The following MYT1L variants were observed in gnomAD, a reference collection of about 807,000 sequenced individuals.
MYT1L encodes the protein myelin transcription factor 1 like.
A neutral mutation model predicts 126.7 loss-of-function variants in MYT1L; 12 were observed. The ratio of observed to expected loss-of-function variants is 0.09; its 90% CI spans 0.06 to 0.15. MYT1L has a LOEUF of 0.15. Ranked by LOEUF, MYT1L falls within the 10% of genes least tolerant of loss-of-function variation. The probability of loss-of-function intolerance (pLI) is 1.00; values close to 1 mark genes in which losing one functional copy is unlikely to be tolerated. For missense variants in MYT1L, 979 were observed against 1,585.2 expected, an observed-to-expected ratio of 0.62 and a Z score of 6.49; for synonymous variants, 541 against 604.2, an observed-to-expected ratio of 0.90 and a Z score of 1.53.
Position 1,922,882 on chromosome 2 carries a change from T to C in MYT1L, c.887A>G (p.Asn296Ser). 6.2e-7 allele frequency: 1 copy of C among 1,614,050 alleles called. No homozygotes were observed. Among genetic ancestry groups the C allele is most frequent in the Non-Finnish European group, 8.5e-7 (1 of 1,179,906 alleles). The change falls in exon 10 of 25, where the codon AAT becomes AGT. Residue 296 changes from asparagine (N) to serine (S), a missense_variant. Coordinates refer to ENST00000647738, the MANE Select transcript of MYT1L (RefSeq NM_001303052.2). This position sits in a 1 kb window ranked among gnomAD's most constrained non-coding sequence, Gnocchi z 7.4. ...ADSMSQQDSR[N>S]MNYVMLGKPM... ...CTTCCCCAACATGACGTAATTCATA[T>C]TTCTACTGTCTTGCTGCGACATGCT...
chr2:2,185,452 TCC>T (rs2092014229), intron 2 of MYT1L, among the ~76,000 whole-genome samples: 5 of 150,876 alleles, frequency 3.3e-5, no homozygotes, highest in African/African-American at 4.9e-5. Context: ...CAGCCGGGCC[TCC>T]TCGAGTCCCG....
At chr2:2,320,444 A>C (rs1022006963) in intron 1 of MYT1L, among the ~76,000 whole-genome samples, 1 of 151,694 alleles carries the variant, frequency 6.6e-6, no homozygotes, top group East Asian at 1.9e-4. Flanking sequence ...TTAGGCATAA[A>C]ATTTTATTTC....
At chr2:1,861,455 T>G (rs201042173) in intron 18 of MYT1L, among the ~76,000 whole-genome samples, 1 of 152,100 alleles carries the variant, frequency 6.6e-6, no homozygotes, top group Admixed American at 6.5e-5. Flanking sequence ...ATCCTTTACA[T>G]TCGTGTTATT....
intron 3 of MYT1L, among the ~76,000 whole-genome samples, chr2:2,073,647 C>T (rs1488244214): frequency 1.3e-5 from 2 of 152,188 alleles, no homozygotes; most frequent in Non-Finnish European, 2.9e-5. Flanking sequence ...CTCGCCTCCG[C>T]ATCCTGCCAG....
chr2:1,864,955 T>A (rs887422131), intron 18 of MYT1L, among the ~76,000 whole-genome samples: 1 of 152,172 alleles, frequency 6.6e-6, no homozygotes, highest in Admixed American at 6.5e-5. Context: ...TGTGCCCGAT[T>A]GCTGAGCTTC....
At chr2:2,304,100 T>C (rs576502401) in intron 1 of MYT1L, 1 of 152,320 alleles carries the variant, frequency 6.6e-6, no homozygotes, top group South Asian at 2.1e-4. Context: ...TGAGACGCTA[T>C]AGCTGTACAG....
rs1045633824 is a variant in MYT1L, at chr2:1,828,365, G to A, written c.3080+10784C>T. The A allele has an allele frequency of 2.0e-5, 3 of 152,156 alleles. No individual in the cohort carries two copies. In the East Asian group the frequency reaches 5.8e-4, roughly 29 times the overall value. 9.4% of individuals were successfully genotyped at this position (152,156 alleles called of 1,614,324 possible). A position where few individuals can be genotyped will look rare whatever the true frequency, so the allele number is the denominator to read the frequency against. On this transcript the variant is annotated intron_variant, in intron 21 of 24. Coordinates refer to ENST00000647738, the MANE Select transcript of MYT1L (RefSeq NM_001303052.2). The stretch of plus-strand genomic sequence containing the variant: ...GGAATTCCCAGCTTCCCAGTGTTAG[G>A]TGACACTGTGGGGTGGTTTTTACAG...
At chr2:2,073,284 C>A (rs554537461) in intron 3 of MYT1L, among the ~76,000 whole-genome samples, 68 of 151,674 alleles carry the variant, frequency 4.5e-4, no homozygotes, top group African/African-American at 1.5e-3. Flanking sequence ...TCCCATCCCC[C>A]CATCACTGCC....
chr2:2,017,769 A>G (rs768641713), intron 4 of MYT1L, among the ~76,000 whole-genome samples: 7 of 151,586 alleles, frequency 4.6e-5, no homozygotes, highest in Non-Finnish European at 1.0e-4. Flanking sequence ...ATAATCCAAC[A>G]AAACACAGAA....
At chr2:2,133,404 T>C (rs1229934901) in intron 3 of MYT1L, among the ~76,000 whole-genome samples, 1 of 152,130 alleles carries the variant, frequency 6.6e-6, no homozygotes, top group Non-Finnish European at 1.5e-5. Context: ...TCACTCCCCC[T>C]CATGCTTCTC....
At chr2:1,804,134 G>C (rs112056537) in intron 22 of MYT1L, among the ~76,000 whole-genome samples, 6,720 of 152,166 alleles carry the variant, frequency 0.044, 202 homozygotes, top group South Asian at 0.1. Flanking sequence ...TTGTTTGTTT[G>C]TTTTGAGATG....
intron 2 of MYT1L, among the ~76,000 whole-genome samples, chr2:2,261,919 T>G (rs1396518668): frequency 2.6e-5 from 4 of 152,196 alleles, no homozygotes; most frequent in Non-Finnish European, 5.9e-5. Flanking sequence ...GGAAACAAAT[T>G]GTTGGAATGA....
chr2:2,105,293 A>C (rs2078615334), intron 3 of MYT1L, among the ~76,000 whole-genome samples: 1 of 152,186 alleles, frequency 6.6e-6, no homozygotes, highest in Admixed American at 6.5e-5. Context: ...GGGATACTAC[A>C]GACCAGGGAA....
At chr2:2,123,473 T>C (rs887350428) in intron 3 of MYT1L, among the ~76,000 whole-genome samples, 1 of 152,158 alleles carries the variant, frequency 6.6e-6, no homozygotes, top group African/African-American at 2.4e-5. Flanking sequence ...TGGGAGGCAA[T>C]TGGATCATGG....
At chr2:2,204,197 AT>A (rs2093208897) in intron 2 of MYT1L, among the ~76,000 whole-genome samples, 1 of 152,220 alleles carries the variant, frequency 6.6e-6, no homozygotes, top group Admixed American at 6.5e-5. Context: ...GGACATAGGC[AT>A]GGGCAAGGAC....
At chr2:2,045,228 C>T (rs1469764482) in intron 4 of MYT1L, among the ~76,000 whole-genome samples, 1 of 152,208 alleles carries the variant, frequency 6.6e-6, no homozygotes, top group Non-Finnish European at 1.5e-5. Context: ...TGTAAATCTC[C>T]CATGAAATGA....
At chr2:2,163,543 G>C (rs972535717) in intron 3 of MYT1L, among the ~76,000 whole-genome samples, 1 of 151,278 alleles carries the variant, frequency 6.6e-6, no homozygotes, top group Admixed American at 6.6e-5. Context: ...GGCTAACACG[G>C]TGAAACCCCA....
rs73914913 is a variant in MYT1L at position 2,279,448 on chromosome 2, G to A, written c.-421+4956C>T. On this transcript the variant is annotated intron_variant, in intron 2 of 24. Transcript: ENST00000647738. ...GGAAAGGTGGAGGAGGGAAGGGAAG[G>A]GGAGGGGAGGGAAAAAGAGAGGTGG... Among the ~76,000 whole-genome samples, 657 of 151,630 alleles carry A rather than the reference G, an allele frequency of 4.3e-3. 2 individuals carry two copies. Among genetic ancestry groups the A allele is most frequent in the African/African-American group, 0.015 (623 of 41,278 alleles).
chr2:1,833,054 G>T lies in MYT1L; in HGVS notation c.3080+6095C>A, dbSNP rs140979431. Among the ~76,000 whole-genome samples, 425 of 152,318 alleles carry T rather than the reference G, an allele frequency of 2.8e-3. 2 individuals are homozygous for T. The highest frequency in any genetic ancestry group is 9.5e-3 in the African/African-American group (393 of 41,564). The stretch of plus-strand genomic sequence containing the variant: ...AATGACACGTCTGTCGGCGGCTTAG[G>T]GGGAGGGTGAGCTGCAGGTTGAGCT... On this transcript the variant is annotated intron_variant, in intron 21 of 24. Transcript: ENST00000647738.
Sources: allele counts gnomAD v4.1 joint callset (sites outside exome capture counted in the v4.1 genomes callset), GRCh38; gene constraint gnomAD v4.1.1; non-coding constraint Gnocchi (gnomAD v3.1); transcripts MANE v1.5; gene names NCBI Gene and HGNC (gene_info 2026-07-23, HGNC 2026-07-21).